TBC1D7: variants seen among roughly 807,000 people sequenced by gnomAD.
TBC1D7 encodes TBC domain family 7.
In TBC1D7, 33 loss-of-function variants were observed where a neutral mutation model predicts 35.3. That is an observed-to-expected ratio of 0.93 (90% CI 0.71 to 1.25). The LOEUF (loss-of-function observed/expected upper bound fraction) is 1.25, where lower values mean the gene tolerates loss of function less well. TBC1D7 is among the 50% of genes most tolerant of loss of function. The pLI, the probability that TBC1D7 is intolerant of heterozygous loss-of-function variation, is 0.00. For missense variants in TBC1D7, 362 were observed against 365.3 expected (o/e 0.99, Z 0.07); for synonymous variants, 135 against 129.5 (o/e 1.04, Z -0.29).
Position 13,304,970 on chromosome 6 carries a change from T to C in TBC1D7, c.*131A>G, listed in dbSNP as rs1443935822. 23 of 649,038 alleles carry C rather than the reference T, an allele frequency of 3.5e-5. No homozygotes were observed. In the Admixed American group the frequency reaches 6.0e-4, roughly 17 times the overall value. The allele number at this position is 649,038 out of a possible 1,614,324, so 40.2% of individuals were successfully genotyped here. ...CAGGCATTTCAATTAAATAATTTTA[T>C]TGGGGGAAAAAAACCACTTTGAGCA... is the stretch of plus-strand genomic sequence containing the variant. On this transcript the variant is annotated 3_prime_UTR_variant, in exon 8 of 8. Coordinates refer to ENST00000379300, the MANE Select transcript of TBC1D7 (RefSeq NM_016495.6).
intron 3 of TBC1D7, 121 bp downstream of exon 3, chr6:13,324,973 G>A (rs1784305535): frequency 3.0e-6 from 2 of 659,470 alleles, no homozygotes; most frequent in Non-Finnish European, 5.2e-6. Flanking sequence ...ACCTCCTGGG[G>A]AAGATCCAAT....
chr6:13,307,403 T>A, intron 6 of TBC1D7, 197 bp downstream of exon 6: 1 of 570,158 alleles, frequency 1.8e-6, no homozygotes, highest in African/African-American at 1.9e-5. Context: ...TCTAACGCAC[T>A]GAGGGCCCTT....
intron 6 of TBC1D7, chr6:13,307,110 G>A (rs1782860441): frequency 6.4e-6 from 1 of 157,052 alleles, no homozygotes; most frequent in South Asian, 1.8e-4. Context: ...TGTTCTCTGT[G>A]TATTGCACTG....
intron 5 of TBC1D7, among the ~76,000 whole-genome samples, chr6:13,311,869 T>C (rs1783238491): frequency 6.6e-6 from 1 of 151,794 alleles, no homozygotes; most frequent in African/African-American, 2.4e-5. Flanking sequence ...AAATAAATCA[T>C]GTGATTTGGC....
chr6:13,316,507 T>G, intron 5 of TBC1D7, 64 bp downstream of exon 5: 2 of 1,547,852 alleles, frequency 1.3e-6, no homozygotes, highest in South Asian at 2.4e-5. Context: ...GTAAGAGCAC[T>G]CCCTGAAGAC....
intron 5 of TBC1D7, among the ~76,000 whole-genome samples, chr6:13,315,097 C>T (rs1253594821): frequency 6.6e-6 from 1 of 152,136 alleles, no homozygotes; most frequent in Non-Finnish European, 1.5e-5. Flanking sequence ...CTTTCCCAGC[C>T]TCTACTGCAG....
chr6:13,324,133 G>GC (rs1414036447), intron 3 of TBC1D7, among the ~76,000 whole-genome samples: 1 of 146,442 alleles, frequency 6.8e-6, no homozygotes, highest in Non-Finnish European at 1.5e-5. Flanking sequence ...TTTGTTTTTT[G>GC]TTTTTTTTTT....
chr6:13,316,750 G>A (rs772639873), intron 4 of TBC1D7, 42 bp from the exon 5 acceptor site: 2 of 1,606,302 alleles, frequency 1.2e-6, no homozygotes, highest in South Asian at 1.1e-5. Context: ...GGCAGTGAAA[G>A]AGAGGAATAC....
At position 13,316,711 on chromosome 6, in the gene TBC1D7, G is replaced by A; in HGVS notation, c.382-3C>T. On this transcript the variant is annotated splice_region_variant and splice_polypyrimidine_tract_variant and intron_variant, in intron 4 of 7. Transcript: ENST00000379300. The stretch of plus-strand genomic sequence containing the variant: ...AGAAACACTTCATCATCTGGCTCCT[G>A]AAAGATTAATAATAAATCTCAAGAG... 1.2e-6 allele frequency: 2 copies of A among 1,613,346 alleles called. No homozygotes were observed. The highest frequency in any genetic ancestry group is 1.7e-6 in the Non-Finnish European group (2 of 1,179,758).
intron 6 of TBC1D7, chr6:13,307,335 G>C (rs1285044906): frequency 3.2e-6 from 1 of 309,928 alleles, no homozygotes; most frequent in African/African-American, 2.2e-5. Flanking sequence ...CTGGAAAAAA[G>C]GGGCTGACGC....
chr6:13,317,349 C>A (rs1005151120), intron 4 of TBC1D7, among the ~76,000 whole-genome samples: 1 of 152,094 alleles, frequency 6.6e-6, no homozygotes, highest in Non-Finnish European at 1.5e-5. Flanking sequence ...AAAACCGGGA[C>A]CTTATTTGAA....
At chr6:13,324,972 G>T in intron 3 of TBC1D7, 122 bp downstream of exon 3, 1 of 655,604 alleles carries the variant, frequency 1.5e-6, no homozygotes, top group East Asian at 2.8e-5. Context: ...AACCTCCTGG[G>T]GAAGATCCAA....
intron 3 of TBC1D7, 104 bp downstream of exon 3, chr6:13,324,990 T>C (rs767652831): frequency 8.6e-5 from 68 of 790,810 alleles, no homozygotes; most frequent in Admixed American, 1.4e-4. Flanking sequence ...CAATATTCAG[T>C]AAAAGGCCTA....
chr6:13,321,009 C>A lies in TBC1D7; in HGVS notation c.280G>T (p.Val94Phe). ...QYLDVLHALK[V>F]VRFVSDATPQ... is the part of the protein sequence containing the mutation. ...GTGGCATCACTAACAAAGCGAACGA[C>A]TTTCAGGGCATGAAGGACATCCAAG... The change falls in exon 4 of 8, where the codon GTC (valine) becomes TTC (phenylalanine). Residue 94 changes from valine (V) to phenylalanine (F), a missense_variant. Val to Phe is a conservative substitution (Grantham distance 50). Coordinates refer to ENST00000379300, the MANE Select transcript of TBC1D7 (RefSeq NM_016495.6). The A allele has an allele frequency of 6.2e-7, 1 of 1,614,176 alleles. No individual in the cohort carries two copies. The highest frequency in any genetic ancestry group is 8.5e-7 in the Non-Finnish European group (1 of 1,180,022).
At chr6:13,326,746 G>A (rs916863333) in intron 2 of TBC1D7, 41 bp downstream of exon 2, 2 of 1,287,510 alleles carry the variant, frequency 1.6e-6, no homozygotes, top group South Asian at 2.5e-5. Flanking sequence ...AACATGTGGA[G>A]TGATTGAGAA....
rs190996247 is a variant in TBC1D7 at position 13,326,363 on chromosome 6, T to C, written c.112+424A>G. 1.8e-3 allele frequency among the ~76,000 whole-genome samples: 280 copies of C among 151,676 alleles called. 3 individuals carry two copies. Among genetic ancestry groups the C allele is most frequent in the African/African-American group, 6.3e-3 (262 of 41,304 alleles). The stretch of plus-strand genomic sequence containing the variant: ...CTGTAATTCCAGCTACCTGGGAGGC[T>C]GAGGCAGGAGAATCACTTGAACCCA... On this transcript the variant is annotated intron_variant, in intron 2 of 7. Coordinates refer to ENST00000379300, the MANE Select transcript of TBC1D7 (RefSeq NM_016495.6).
chr6:13,307,575 A>C, intron 6 of TBC1D7, 25 bp downstream of exon 6: 1 of 1,613,028 alleles, frequency 6.2e-7, no homozygotes, highest in Non-Finnish European at 8.5e-7. Context: ...CAAGCCTTCA[A>C]TATGTCTTCG....
chr6:13,312,415 G>C (rs1268776123), intron 5 of TBC1D7, among the ~76,000 whole-genome samples: 1 of 152,168 alleles, frequency 6.6e-6, no homozygotes, highest in African/African-American at 2.4e-5. Context: ...GGCCAGGCGT[G>C]GTGGCTCACA....
chr6:13,306,623 A>G, intron 6 of TBC1D7, 96 bp from the exon 7 acceptor site: 1 of 1,032,278 alleles, frequency 9.7e-7, no homozygotes, highest in South Asian at 2.2e-5. Flanking sequence ...AATTGCTCCA[A>G]TTTTATGTAA....
Sources: gnomAD v4.1 joint callset for allele counts (sites outside exome capture counted in the v4.1 genomes callset) on GRCh38, gnomAD v4.1.1 for gene constraint, MANE v1.5 for transcripts, NCBI Gene and HGNC (gene_info 2026-07-23, HGNC 2026-07-21) for gene names.